Variants in SCHIP1 observed in about 807,000 individuals in gnomAD.
The protein encoded by SCHIP1 is schwannomin interacting protein 1.
A neutral mutation model predicts 29.7 loss-of-function variants in SCHIP1; 8 were observed. The observed-to-expected ratio is 0.27, with a 90% CI of 0.16 to 0.49. SCHIP1 has a LOEUF of 0.49. SCHIP1 is among the 20% of genes least tolerant of loss of function. The probability of loss-of-function intolerance (pLI) is 0.99; values close to 1 mark genes in which losing one functional copy is unlikely to be tolerated. For missense variants in SCHIP1, 193 were observed against 294.6 expected, an observed-to-expected ratio of 0.66 and a Z score of 2.52; for synonymous variants, 76 against 94.9, an observed-to-expected ratio of 0.80 and a Z score of 1.16.
At chr3:159,663,130 T>C in the SCHIP1 span, among the ~76,000 whole-genome samples, 2 of 152,196 alleles carry the variant, frequency 1.3e-5, no homozygotes, top group Admixed American at 6.5e-5. Context: ...AAAGACCTTA[T>C]CTAACCTCCA....
chr3:159,647,265 A>G, the SCHIP1 span, among the ~76,000 whole-genome samples: 1 of 152,132 alleles, frequency 6.6e-6, no homozygotes, highest in Non-Finnish European at 1.5e-5. Flanking sequence ...GTCGTAGGCA[A>G]TGAAAAATAC....
the SCHIP1 span, among the ~76,000 whole-genome samples, chr3:159,476,371 T>A: frequency 2.0e-4 from 30 of 152,334 alleles, no homozygotes; most frequent in African/African-American, 6.5e-4. Context: ...TCTGAATTTC[T>A]AGCTTTATTT....
At chr3:159,741,469 T>C in the SCHIP1 span, among the ~76,000 whole-genome samples, 1 of 152,244 alleles carries the variant, frequency 6.6e-6, no homozygotes, top group East Asian at 1.9e-4. Flanking sequence ...AGAGCTAGTA[T>C]AAAATTGCTG....
the SCHIP1 span, among the ~76,000 whole-genome samples, chr3:159,454,175 C>T: frequency 6.6e-6 from 1 of 152,214 alleles, no homozygotes; most frequent in South Asian, 2.1e-4. Context: ...AAAAGAATAA[C>T]AATGCCTGGG....
the SCHIP1 span, among the ~76,000 whole-genome samples, chr3:159,712,801 G>A: frequency 3.8e-3 from 576 of 150,898 alleles, 1 homozygote; most frequent in African/African-American, 0.013. Context: ...AAGAAAGAGA[G>A]AGAAAGAAAA....
chr3:159,750,865 GA>G, the SCHIP1 span, among the ~76,000 whole-genome samples: 4 of 150,174 alleles, frequency 2.7e-5, no homozygotes, highest in South Asian at 8.5e-4. Context: ...TAAGATTTTA[GA>G]AGAACTATTA....
chr3:159,294,361 T>C, the SCHIP1 span, among the ~76,000 whole-genome samples: 8 of 152,316 alleles, frequency 5.3e-5, no homozygotes, highest in African/African-American at 1.9e-4. Context: ...GATTTGGGGT[T>C]CTCAATAAGC....
the SCHIP1 span, among the ~76,000 whole-genome samples, chr3:159,573,687 A>G: frequency 6.6e-6 from 1 of 152,192 alleles, no homozygotes; most frequent in South Asian, 2.1e-4. Flanking sequence ...TCTGCTGGAT[A>G]CTATCCTGCA....
At chr3:159,546,245 A>G in the SCHIP1 span, among the ~76,000 whole-genome samples, 1 of 152,088 alleles carries the variant, frequency 6.6e-6, no homozygotes, top group South Asian at 2.1e-4. Flanking sequence ...CCAGCAAAAT[A>G]TTGAATCGAG....
the SCHIP1 span, among the ~76,000 whole-genome samples, chr3:159,572,259 G>C: frequency 6.6e-6 from 1 of 152,104 alleles, no homozygotes; most frequent in Admixed American, 6.5e-5. Context: ...TGGGCATTTA[G>C]TGCTATAAAT....
chr3:159,611,534 TG>T, the SCHIP1 span, among the ~76,000 whole-genome samples: 3 of 11,842 alleles, frequency 2.5e-4, no homozygotes, highest in South Asian at 8.1e-3. Flanking sequence ...TGTTGGGGGG[TG>T]GGGGGGAAGG....
chr3:159,704,941 CTTTCTTTCT>C, the SCHIP1 span, among the ~76,000 whole-genome samples: 5 of 76,646 alleles, frequency 6.5e-5, no homozygotes, highest in East Asian at 3.2e-4. Context: ...TCTTTCTTTC[CTTTCTTTCT>C]TTCTTTTTTT....
the SCHIP1 span, among the ~76,000 whole-genome samples, chr3:159,677,648 T>C: frequency 6.6e-6 from 1 of 152,194 alleles, no homozygotes; most frequent in Non-Finnish European, 1.5e-5. Flanking sequence ...CCTCCATCTG[T>C]ACCCCTGTCC....
chr3:159,803,405 C>G, the SCHIP1 span, among the ~76,000 whole-genome samples: 1 of 152,120 alleles, frequency 6.6e-6, no homozygotes, highest in South Asian at 2.1e-4. Context: ...GGGTGTAAGT[C>G]CTAAACTTTA....
the SCHIP1 span, among the ~76,000 whole-genome samples, chr3:159,468,777 A>ATTT: frequency 9.5e-3 from 1,214 of 127,298 alleles, 34 homozygotes; most frequent in African/African-American, 0.035. Context: ...ATATATATAT[A>ATTT]TTTTTTTTAG....
chr3:159,655,808 G>T, the SCHIP1 span, among the ~76,000 whole-genome samples: 1 of 152,166 alleles, frequency 6.6e-6, no homozygotes, highest in African/African-American at 2.4e-5. Flanking sequence ...AGAATCCCTT[G>T]AACCCAGGAG....
At chr3:159,797,013 A>G in the SCHIP1 span, among the ~76,000 whole-genome samples, 1 of 152,180 alleles carries the variant, frequency 6.6e-6, no homozygotes, top group African/African-American at 2.4e-5. Flanking sequence ...GTTGCCCAGG[A>G]GATCCACATC....
chr3:159,765,801 G>T, the SCHIP1 span: 5 of 152,288 alleles, frequency 3.3e-5, no homozygotes, highest in African/African-American at 1.2e-4. Context: ...TCCCTCGGTC[G>T]CCTGACTCAC....
chr3:159,843,460 T>C (rs1356044701), intron 1 of SCHIP1, among the ~76,000 whole-genome samples: 1 of 152,190 alleles, frequency 6.6e-6, no homozygotes, highest in Non-Finnish European at 1.5e-5. Flanking sequence ...GCTTTCTCAG[T>C]GCTTAGAATA....
Sources: gnomAD v4.1 joint callset for allele counts (sites outside exome capture counted in the v4.1 genomes callset) on GRCh38, gnomAD v4.1.1 for gene constraint, MANE v1.5 for transcripts, NCBI Gene and HGNC (gene_info 2026-07-23, HGNC 2026-07-21) for gene names.